Variants in ALDH2 observed in about 807,000 individuals in gnomAD.
ALDH2 encodes the protein aldehyde dehydrogenase 2 family member, also known as aldehyde dehydrogenase, mitochondrial.
In ALDH2, 44 loss-of-function variants were observed where a neutral mutation model predicts 59.6. That is an observed-to-expected ratio of 0.74 (90% CI 0.58 to 0.95). ALDH2 has a LOEUF of 0.95. Among genes scored for constraint, ALDH2 ranks in the 40% least tolerant of loss-of-function variants. ALDH2 has a pLI of 0.00. For missense variants in ALDH2, 570 were observed against 696.3 expected, an observed-to-expected ratio of 0.82 and a Z score of 2.04; for synonymous variants, 291 against 284.0, an observed-to-expected ratio of 1.02 and a Z score of -0.25.
At chr12:111,784,745 G>C (rs1263681201) in intron 3 of ALDH2, among the ~76,000 whole-genome samples, 2 of 152,092 alleles carry the variant, frequency 1.3e-5, no homozygotes, top group African/African-American at 4.8e-5. Context: ...CTCCCCACTA[G>C]CTGGGATTAC....
In ALDH2 at chr12:111,777,393, G is replaced by A. The variant is rs1435933675; in HGVS notation, c.115-4525G>A. ...GCTGAGTGGACTTCCTCCCTGGGTG[G>A]GGGAGGAAGAAGCTTGGGGATAGTA... On this transcript the variant is annotated intron_variant, in intron 1 of 12. Transcript: ENST00000261733. 1.3e-5 allele frequency among the ~76,000 whole-genome samples: 2 copies of A among 152,102 alleles called. 1 individual carries two copies. The highest frequency in any genetic ancestry group is 3.9e-4 in the East Asian group (2 of 5,190).
At chr12:111,801,169 G>T (rs1271187132) in intron 11 of ALDH2, among the ~76,000 whole-genome samples, 2 of 152,200 alleles carry the variant, frequency 1.3e-5, no homozygotes, top group Non-Finnish European at 1.5e-5. Flanking sequence ...GACAAGAGAA[G>T]AGAACTTGTG....
chr12:111,783,155 T>C lies in ALDH2; in HGVS notation c.220-3T>C. On this transcript the variant is annotated splice_region_variant and splice_polypyrimidine_tract_variant and intron_variant, in intron 2 of 12. Coordinates refer to ENST00000261733, the MANE Select transcript of ALDH2 (RefSeq NM_000690.4). The stretch of plus-strand genomic sequence containing the variant: ...AAGGCTTGAGTTTTCCTGTGTTTTC[T>C]AGGAAGATGTGGACAAGGCAGTGAA... 1 of 1,605,748 alleles carries C rather than the reference T, an allele frequency of 6.2e-7. No individual in the cohort carries two copies. The highest frequency in any genetic ancestry group is 2.2e-5 in the East Asian group (1 of 44,622).
intron 1 of ALDH2, among the ~76,000 whole-genome samples, chr12:111,775,227 T>C (rs1245745120): frequency 6.6e-6 from 1 of 152,150 alleles, no homozygotes; most frequent in Non-Finnish European, 1.5e-5. Flanking sequence ...CAGCATCAAG[T>C]GCAGATCCTG....
intron 7 of ALDH2, 98 bp downstream of exon 7, chr12:111,791,517 C>A: frequency 1.1e-6 from 1 of 930,464 alleles, no homozygotes. Flanking sequence ...GGGTGTCAAG[C>A]GGAGGCCTTT....
At chr12:111,779,585 G>T (rs532455586) in intron 1 of ALDH2, among the ~76,000 whole-genome samples, 1 of 152,294 alleles carries the variant, frequency 6.6e-6, no homozygotes, top group East Asian at 1.9e-4. Flanking sequence ...TATTCTTTAT[G>T]GTCCGAGACT....
In ALDH2 at chr12:111,791,317, C is replaced by G. The variant is rs771771961; in HGVS notation, c.693C>G (p.Pro231=). Reference sequence around the variant, plus strand: ...CTGTTTGCTCACAGGCTGGCTTTCCCCCTGGTGTGGTCAACATTGTGCCTG... The same window carrying G: ...CTGTTTGCTCACAGGCTGGCTTTCCGCCTGGTGTGGTCAACATTGTGCCTG... ...VANLIKEAGF[P]PGVVNIVPGF... The change falls in exon 7 of 13, where the codon CCC becomes CCG. Residue 231 remains proline, a synonymous_variant. Transcript: ENST00000261733. The G allele has an allele frequency of 6.2e-7, 1 of 1,613,914 alleles. No homozygotes were observed. Among genetic ancestry groups the G allele is most frequent in the Non-Finnish European group, 8.5e-7 (1 of 1,179,912 alleles).
chr12:111,796,903 G>A (rs779964266), intron 9 of ALDH2, among the ~76,000 whole-genome samples: 5 of 144,018 alleles, frequency 3.5e-5, no homozygotes, highest in South Asian at 2.3e-4. Flanking sequence ...AGACCCTGTC[G>A]CCCTTCTCCC....
rs190454889 is a variant in ALDH2 at position 111,775,942 on chromosome 12, C to T, written c.115-5976C>T. 7.5e-4 allele frequency among the ~76,000 whole-genome samples: 115 copies of T among 152,328 alleles called. 2 individuals carry two copies. Among genetic ancestry groups the T allele is most frequent in the Non-Finnish European group, 1.1e-3 (76 of 68,028 alleles). On this transcript the variant is annotated intron_variant, in intron 1 of 12. Coordinates refer to ENST00000261733, the MANE Select transcript of ALDH2 (RefSeq NM_000690.4). ...AATGTAAACCGGAGGAGGTTTCCAG[C>T]GTCCTACAGCAGACCCAGGTTTATC...
At chr12:111,789,968 G>C (rs781313528) in intron 5 of ALDH2, 34 bp downstream of exon 5, 4 of 1,595,830 alleles carry the variant, frequency 2.5e-6, no homozygotes, top group Non-Finnish European at 3.4e-6. Flanking sequence ...TCTTCAGGGT[G>C]CCCTGAGATT....
chr12:111,781,857 T>A, intron 1 of ALDH2, 61 bp from the exon 2 acceptor site: 7 of 1,170,722 alleles, frequency 6.0e-6, no homozygotes, highest in Non-Finnish European at 8.9e-6. Context: ...TTCCTTACAA[T>A]ACTGGTAGTC....
rs773061919 is a variant in ALDH2 at position 111,783,257 on chromosome 12, C to T, written c.319C>T (p.Arg107Cys). The change falls in exon 3 of 13, where the codon CGC becomes TGC. Residue 107 changes from arginine to cysteine, a missense_variant. By Grantham distance (180) the Arg-to-Cys change is radical. Coordinates refer to ENST00000261733, the MANE Select transcript of ALDH2 (RefSeq NM_000690.4). ...DASHRGRLLN[R>C]LADLIERDRT... ...ATCACACAGGGGCCGGCTGCTGAAC[C>T]GCCTGGCCGATCTGATCGAGCGGGA... The T allele has an allele frequency of 1.1e-4, 180 of 1,612,632 alleles. No individual in the cohort carries two copies. Among genetic ancestry groups the T allele is most frequent in the Non-Finnish European group, 1.4e-4 (168 of 1,179,330 alleles).
intron 10 of ALDH2, among the ~76,000 whole-genome samples, 171 bp downstream of exon 10, chr12:111,798,413 C>T (rs1240962483): frequency 6.6e-6 from 1 of 152,064 alleles, no homozygotes. Flanking sequence ...CTGATCTTGT[C>T]CCTCCTCTTC....
chr12:111,784,833 C>T (rs1389696831), intron 3 of ALDH2, among the ~76,000 whole-genome samples: 2 of 152,080 alleles, frequency 1.3e-5, no homozygotes, highest in African/African-American at 4.8e-5. Context: ...AGGCTGGTCT[C>T]GAACACCTGC....
chr12:111,798,901 C>T (rs1042156631), intron 10 of ALDH2, among the ~76,000 whole-genome samples: 1 of 151,578 alleles, frequency 6.6e-6, no homozygotes, highest in Non-Finnish European at 1.5e-5. Context: ...CCCAGCTACT[C>T]TGGAGGCTGA....
chr12:111,787,849 G>A (rs1290563924), intron 4 of ALDH2, among the ~76,000 whole-genome samples: 1 of 151,964 alleles, frequency 6.6e-6, no homozygotes, highest in East Asian at 1.9e-4. Flanking sequence ...GGCTAACACG[G>A]TGAAACCCCA....
intron 1 of ALDH2, among the ~76,000 whole-genome samples, chr12:111,778,476 C>A (rs1389678242): frequency 6.7e-6 from 1 of 149,866 alleles, no homozygotes. Context: ...ACCTGAAAGG[C>A]GGAGGTTGCA....
In ALDH2 at chr12:111,803,923, G is replaced by T. The variant is rs1489865347; in HGVS notation, c.1471G>T (p.Gly491Cys). The change falls in exon 12 of 13, where the codon GGC (glycine) becomes TGC (cysteine). Residue 491 changes from glycine to cysteine, a missense_variant. Gly to Cys is a radical substitution (Grantham distance 159). Coordinates refer to ENST00000261733, the MANE Select transcript of ALDH2 (RefSeq NM_000690.4). ...TGGTGGCTACAAGATGTCGGGGAGT[G>T]GCCGGGAGTTGGGCGAGTACGGGCT... ...PFGGYKMSGS[G>C]RELGEYGLQA... The T allele has an allele frequency of 4.3e-6, 7 of 1,613,416 alleles. No individual in the cohort carries two copies. The highest frequency in any genetic ancestry group is 5.9e-6 in the Non-Finnish European group (7 of 1,179,686).
chr12:111,773,518 C>T (rs1053940654), intron 1 of ALDH2, among the ~76,000 whole-genome samples: 1 of 152,212 alleles, frequency 6.6e-6, no homozygotes. Context: ...TTTCATCCTA[C>T]CCGCAACTCT....
Sources: allele counts gnomAD v4.1 joint callset (sites outside exome capture counted in the v4.1 genomes callset), GRCh38; gene constraint gnomAD v4.1.1; transcripts MANE v1.5; gene names NCBI Gene and HGNC (gene_info 2026-07-23, HGNC 2026-07-21).